RYR2: variants seen among roughly 807,000 people sequenced by gnomAD.
The protein encoded by RYR2 is cardiac muscle ryanodine receptor-calcium release channel.
Under a neutral mutation model 601.1 loss-of-function variants are expected in RYR2, and 227 were observed. That is an observed-to-expected ratio of 0.38 (90% CI 0.34 to 0.42). RYR2 has a LOEUF of 0.42. Among genes scored for constraint, RYR2 ranks in the 10% least tolerant of loss-of-function variants. The pLI is 1.00. For missense variants in RYR2, 4,646 were observed against 6,156.5 expected (o/e 0.75, Z 8.21); for synonymous variants, 2,223 against 2,175.1 (o/e 1.02, Z -0.61).
intron 1 of RYR2, among the ~76,000 whole-genome samples, chr1:237,253,058 G>A (rs1177015943): frequency 2.0e-5 from 3 of 151,384 alleles, no homozygotes; most frequent in Non-Finnish European, 4.4e-5. Flanking sequence ...CCAGATACTC[G>A]GGAGGCTGAG....
intron 2 of RYR2, among the ~76,000 whole-genome samples, chr1:237,309,078 A>G (rs1694235348): frequency 6.6e-6 from 1 of 151,592 alleles, no homozygotes; most frequent in Non-Finnish European, 1.5e-5. Context: ...CTTGAGCTAG[A>G]CACAGAGTGC....
chr1:237,399,695 T>TG (rs1422328220), intron 10 of RYR2, among the ~76,000 whole-genome samples: 2 of 152,156 alleles, frequency 1.3e-5, no homozygotes, highest in Admixed American at 6.5e-5. Flanking sequence ...GGGCTAGGGT[T>TG]GGACCGCACA....
At chr1:237,508,833 C>T (rs1176251335) in intron 23 of RYR2, among the ~76,000 whole-genome samples, 8 of 148,252 alleles carry the variant, frequency 5.4e-5, no homozygotes, top group African/African-American at 2.0e-4. Context: ...AGCTCCGCCT[C>T]CCGGGTTCAC....
intron 1 of RYR2, among the ~76,000 whole-genome samples, chr1:237,055,167 A>T (rs547447628): frequency 6.6e-6 from 1 of 152,230 alleles, no homozygotes; most frequent in African/African-American, 2.4e-5. Context: ...CCCTGATGCG[A>T]AGGCGGGAAG....
chr1:237,537,936 A>G (rs937566671), intron 25 of RYR2, among the ~76,000 whole-genome samples: 1 of 152,210 alleles, frequency 6.6e-6, no homozygotes, highest in Non-Finnish European at 1.5e-5. Context: ...GTGTAACAGA[A>G]GGAGAGCTTC....
At chr1:237,570,823 C>A (rs2805397) in intron 29 of RYR2, among the ~76,000 whole-genome samples, 93,158 of 151,940 alleles carry the variant, frequency 0.61, 30,179 homozygotes, top group Non-Finnish European at 0.71. Context: ...GTATCTGATA[C>A]AAATTATATA....
chr1:237,418,354 C>A (rs991853178), intron 11 of RYR2, among the ~76,000 whole-genome samples: 5 of 152,066 alleles, frequency 3.3e-5, no homozygotes, highest in African/African-American at 9.7e-5. Flanking sequence ...GTATAACTAC[C>A]TTTATAGACA....
intron 1 of RYR2, among the ~76,000 whole-genome samples, chr1:237,060,660 T>C (rs1215425232): frequency 6.6e-6 from 1 of 152,236 alleles, no homozygotes; most frequent in African/African-American, 2.4e-5. Context: ...GCAAATGGAA[T>C]GACAATGCAA....
intron 1 of RYR2, among the ~76,000 whole-genome samples, chr1:237,068,886 C>A (rs1488033016): frequency 6.6e-6 from 1 of 152,000 alleles, no homozygotes; most frequent in Non-Finnish European, 1.5e-5. Context: ...CCTAGGTGAG[C>A]CAGTTGAGAA....
In RYR2 at chr1:237,230,986, G is replaced by A. The variant is rs115684050; in HGVS notation, c.49-39511G>A. Among the ~76,000 whole-genome samples the A allele has an allele frequency of 3.1e-3, 463 of 151,024 alleles. 1 individual carries two copies. The highest frequency in any genetic ancestry group is 0.011 in the African/African-American group (442 of 41,184). On this transcript the variant is annotated intron_variant, in intron 1 of 104. Transcript: ENST00000366574. Reference sequence around the variant, plus strand: ...CCTACTTGTAATTTGGAGTATGGTCGCTTTTTCCTGTGCACAAGTTAAATC... The same window carrying A: ...CCTACTTGTAATTTGGAGTATGGTCACTTTTTCCTGTGCACAAGTTAAATC...
At chr1:237,509,306 A>G (rs1420893640) in intron 23 of RYR2, among the ~76,000 whole-genome samples, 3 of 152,216 alleles carry the variant, frequency 2.0e-5, no homozygotes, top group South Asian at 2.1e-4. Context: ...TTTGTGTAGT[A>G]GTTAGAATCC....
intron 1 of RYR2, among the ~76,000 whole-genome samples, chr1:237,114,182 A>G (rs12130378): frequency 0.4 from 61,492 of 152,036 alleles, 14,024 homozygotes; most frequent in Admixed American, 0.57. Flanking sequence ...TAGAGAGTAG[A>G]GAAAAGTCAA....
chr1:237,568,210 C>T (rs1276835956), intron 28 of RYR2, among the ~76,000 whole-genome samples: 7 of 152,036 alleles, frequency 4.6e-5, no homozygotes, highest in East Asian at 1.9e-4. Flanking sequence ...CCAGGTAAGT[C>T]GGTTGGGCAT....
chr1:237,451,731 C>T (rs1293432807), intron 14 of RYR2, among the ~76,000 whole-genome samples: 2 of 152,048 alleles, frequency 1.3e-5, no homozygotes, highest in African/African-American at 2.4e-5. Context: ...TTCATGAAAG[C>T]ACCGTCTTTA....
rs534781848 is a variant in RYR2, at chr1:237,506,561, A to G, written c.2614-149A>G. On this transcript the variant is annotated intron_variant, in intron 22 of 104. Transcript: ENST00000366574. ...TCAAGGGGAAAAAAAAAAAAAAAGA[A>G]TGTCGTGAAATAGATGGCTTAGAAC... is the stretch of plus-strand genomic sequence containing the variant. The G allele has an allele frequency of 2.3e-4, 121 of 525,068 alleles. No individual in the cohort carries two copies. In the East Asian group the frequency reaches 3.7e-3, roughly 16 times the overall value. 32.5% of individuals were successfully genotyped at this position (525,068 alleles called of 1,614,324 possible). A position where few individuals can be genotyped will look rare whatever the true frequency, so the allele number is the denominator to read the frequency against.
At chr1:237,721,298 G>A (rs1221302496) in intron 73 of RYR2, among the ~76,000 whole-genome samples, 2 of 152,122 alleles carry the variant, frequency 1.3e-5, no homozygotes, top group Admixed American at 1.3e-4. Flanking sequence ...TTTTATCAAA[G>A]GATAAGTAGT....
At chr1:237,476,749 T>C (rs896763159) in intron 17 of RYR2, among the ~76,000 whole-genome samples, 9 of 152,130 alleles carry the variant, frequency 5.9e-5, no homozygotes, top group Non-Finnish European at 1.2e-4. Context: ...GAAGTTTTCC[T>C]CCTTGATATT....
At position 237,180,486 on chromosome 1, in the gene RYR2, A is replaced by G. The variant is rs1330081600; in HGVS notation, c.49-90011A>G. ...TTTATAGCCCTTGGACACTTTCCCA[A>G]CTTTTGATCTTTCAGTGCAACCCTT... is the stretch of plus-strand genomic sequence containing the variant. On this transcript the variant is annotated intron_variant, in intron 1 of 104. Coordinates refer to ENST00000366574, the MANE Select transcript of RYR2 (RefSeq NM_001035.3). This position sits in a 1 kb window ranked among gnomAD's most constrained non-coding sequence, Gnocchi z 5.3. Among the ~76,000 whole-genome samples, 1 of 151,560 alleles carries G rather than the reference A, an allele frequency of 6.6e-6. No individual in the cohort carries two copies. Among genetic ancestry groups the G allele is most frequent in the African/African-American group, 2.4e-5 (1 of 41,228 alleles).
Position 237,784,971 on chromosome 1 carries a change from A to C in RYR2, c.13259A>C (p.Gln4420Pro), listed in dbSNP as rs1432421665. Residue 4420 changes from glutamine (Q) to proline (P), a missense_variant and splice_region_variant, in exon 90 of 105, where the codon CAG becomes CCG. Coordinates refer to ENST00000366574, the MANE Select transcript of RYR2 (RefSeq NM_001035.3). This position sits in a 1 kb window ranked among gnomAD's most constrained non-coding sequence, Gnocchi z 7.1. ...ATGCCTGAGGTGCAGGAAAAATTTC[A>C]GGTAATTTATCTCTAAGTCACAGCA... ...VPMPEVQEKF[Q>P]EQKAKEEEKE... 1 of 1,574,020 alleles carries C rather than the reference A, an allele frequency of 6.4e-7. No homozygotes were observed. Among genetic ancestry groups the C allele is most frequent in the Non-Finnish European group, 8.6e-7 (1 of 1,159,014 alleles).
Sources: allele counts gnomAD v4.1 joint callset (sites outside exome capture counted in the v4.1 genomes callset), GRCh38; gene constraint gnomAD v4.1.1; non-coding constraint Gnocchi (gnomAD v3.1); transcripts MANE v1.5; gene names NCBI Gene and HGNC (gene_info 2026-07-23, HGNC 2026-07-21).